NEGR1: variants seen among roughly 807,000 people sequenced by gnomAD.
NEGR1 encodes the protein neuronal growth regulator 1.
In NEGR1, 10 loss-of-function variants were observed where a neutral mutation model predicts 40.9. The observed-to-expected ratio is 0.24, with a 90% CI of 0.15 to 0.42. NEGR1 has a LOEUF of 0.42. NEGR1 is among the 10% of genes least tolerant of loss of function. The pLI is 1.00. For synonymous variants in NEGR1, 185 were observed against 166.8 expected (o/e 1.11, Z -0.84); for missense variants, 352 against 438.9 (o/e 0.80, Z 1.77).
chr1:71,643,221 A>G (rs1427161046), intron 4 of NEGR1, among the ~76,000 whole-genome samples: 2 of 151,984 alleles, frequency 1.3e-5, no homozygotes, highest in Non-Finnish European at 2.9e-5. Context: ...TATTCTTGCC[A>G]TGATGTTAGG....
chr1:71,569,395 A>T (rs6424432), intron 6 of NEGR1, among the ~76,000 whole-genome samples: 90,189 of 151,882 alleles, frequency 0.59, 27,498 homozygotes, highest in Non-Finnish European at 0.67. Context: ...AAGGAGTAGG[A>T]AATAGAGCCA....
chr1:71,566,091 G>A (rs772647739), intron 6 of NEGR1, among the ~76,000 whole-genome samples: 25 of 152,026 alleles, frequency 1.6e-4, no homozygotes, highest in African/African-American at 3.6e-4. Context: ...AGAGCCTCCC[G>A]AAGGAAACAA....
At chr1:72,115,226 A>C (rs1370432215) in intron 1 of NEGR1, among the ~76,000 whole-genome samples, 1 of 151,674 alleles carries the variant, frequency 6.6e-6, no homozygotes, top group Non-Finnish European at 1.5e-5. Context: ...TTCATTTAGC[A>C]TATAAAATAA....
intron 2 of NEGR1, among the ~76,000 whole-genome samples, chr1:71,870,313 G>A (rs1215293619): frequency 6.6e-6 from 1 of 152,150 alleles, no homozygotes; most frequent in African/African-American, 2.4e-5. Flanking sequence ...AAAAGCTATA[G>A]TTTTTGAAAT....
At chr1:71,522,108 G>A (rs1157353889) in intron 6 of NEGR1, among the ~76,000 whole-genome samples, 2 of 151,974 alleles carry the variant, frequency 1.3e-5, no homozygotes, top group African/African-American at 2.4e-5. Flanking sequence ...ACATGTCCTT[G>A]GTTCTAAATA....
intron 2 of NEGR1, among the ~76,000 whole-genome samples, chr1:71,792,667 A>G (rs1474693640): frequency 6.6e-6 from 1 of 152,106 alleles, no homozygotes; most frequent in Non-Finnish European, 1.5e-5. Flanking sequence ...TTTTATGTAT[A>G]TAACATGGTG....
rs112277773 is a variant in NEGR1, at chr1:72,146,917, G to A, written c.176+135402C>T. Among the ~76,000 whole-genome samples, 891 of 152,258 alleles carry A rather than the reference G, an allele frequency of 5.9e-3. 10 individuals are homozygous for A. Among genetic ancestry groups the A allele is most frequent in the African/African-American group, 0.02 (848 of 41,552 alleles). On this transcript the variant is annotated intron_variant, in intron 1 of 6. Coordinates refer to ENST00000357731, the MANE Select transcript of NEGR1 (RefSeq NM_173808.3). The stretch of plus-strand genomic sequence containing the variant: ...CTATAGTGAAATTTTGGGGAAGGTT[G>A]CATTTCCTACTATGTCTTGATGTAC...
At chr1:72,022,577 T>G (rs907186497) in intron 1 of NEGR1, among the ~76,000 whole-genome samples, 36 of 150,960 alleles carry the variant, frequency 2.4e-4, no homozygotes, top group Middle Eastern at 3.4e-3. Context: ...CATGTATATA[T>G]AAATTATAGA....
intron 6 of NEGR1, among the ~76,000 whole-genome samples, chr1:71,580,413 T>C (rs1322672719): frequency 1.3e-5 from 2 of 151,918 alleles, no homozygotes; most frequent in East Asian, 3.9e-4. Flanking sequence ...CATATGTAAC[T>C]ATCCTGCACA....
intron 2 of NEGR1, among the ~76,000 whole-genome samples, chr1:71,928,025 A>AACAC (rs1316581088): frequency 1.3e-5 from 1 of 79,138 alleles, no homozygotes; most frequent in Non-Finnish European, 2.4e-5. Flanking sequence ...TAAATAAATA[A>AACAC]ATACACACAC....
chr1:71,817,159 A>T (rs1232332780), intron 2 of NEGR1, among the ~76,000 whole-genome samples: 1 of 151,920 alleles, frequency 6.6e-6, no homozygotes, highest in African/African-American at 2.4e-5. Flanking sequence ...AGACATGGAG[A>T]TGTGCTGTGC....
intron 6 of NEGR1, among the ~76,000 whole-genome samples, chr1:71,437,826 AG>A (rs760635959): frequency 5.3e-5 from 8 of 152,196 alleles, no homozygotes; most frequent in Non-Finnish European, 1.0e-4. Flanking sequence ...GCTATATTTC[AG>A]GCAAGGAGAG....
chr1:71,805,835 A>G (rs1570371296), intron 2 of NEGR1, among the ~76,000 whole-genome samples: 1 of 152,218 alleles, frequency 6.6e-6, no homozygotes, highest in Admixed American at 6.5e-5. Flanking sequence ...AACAGAAATT[A>G]AGTGGTTAAT....
intron 1 of NEGR1, among the ~76,000 whole-genome samples, chr1:71,985,293 G>A (rs1352177050): frequency 6.6e-6 from 1 of 152,144 alleles, no homozygotes; most frequent in Non-Finnish European, 1.5e-5. Flanking sequence ...ATGAAGATAC[G>A]CTGGCTATTT....
At chr1:72,095,399 G>T (rs79221218) in intron 1 of NEGR1, among the ~76,000 whole-genome samples, 5,671 of 151,942 alleles carry the variant, frequency 0.037, 321 homozygotes, top group African/African-American at 0.13. Context: ...TTGCTTTCAA[G>T]AGTATAATTC....
intron 1 of NEGR1, among the ~76,000 whole-genome samples, chr1:72,228,899 A>T (rs1190368119): frequency 6.6e-6 from 1 of 152,132 alleles, no homozygotes; most frequent in Non-Finnish European, 1.5e-5. Flanking sequence ...CATGACAAAA[A>T]TTCATTTTCC....
chr1:71,759,622 T>C (rs1655870383), intron 3 of NEGR1, among the ~76,000 whole-genome samples: 1 of 120,026 alleles, frequency 8.3e-6, no homozygotes, highest in Non-Finnish European at 1.7e-5. Context: ...TTTTTTTTTT[T>C]TTTTTGAGAC....
chr1:72,237,928 A>G (rs1374629049), intron 1 of NEGR1, among the ~76,000 whole-genome samples: 2 of 151,986 alleles, frequency 1.3e-5, no homozygotes, highest in Non-Finnish European at 2.9e-5. Flanking sequence ...AAATGAGATA[A>G]CTTAGCAAAG....
At chr1:72,143,452 C>T (rs1393470977) in intron 1 of NEGR1, among the ~76,000 whole-genome samples, 1 of 151,746 alleles carries the variant, frequency 6.6e-6, no homozygotes, top group Non-Finnish European at 1.5e-5. Context: ...AACTGATGTC[C>T]TTTAATCCTG....
Sources: gnomAD v4.1 joint callset for allele counts (sites outside exome capture counted in the v4.1 genomes callset) on GRCh38, gnomAD v4.1.1 for gene constraint, MANE v1.5 for transcripts, NCBI Gene and HGNC (gene_info 2026-07-23, HGNC 2026-07-21) for gene names.